Variants in ADAMTSL1 observed in about 807,000 individuals in gnomAD.
The protein encoded by ADAMTSL1 is ADAMTS-like protein 1.
ADAMTSL1 carries 126 observed loss-of-function variants against 201.8 expected under a neutral mutation model. That is an observed-to-expected ratio of 0.62 (90% CI 0.54 to 0.72). The LOEUF (loss-of-function observed/expected upper bound fraction) is 0.72, where lower values mean the gene tolerates loss of function less well. ADAMTSL1 is among the 30% of genes least tolerant of loss of function. The pLI is 0.00. For missense variants in ADAMTSL1, 2,679 were observed against 2,277.8 expected (o/e 1.18, Z -3.59); for synonymous variants, 1,121 against 903.4 (o/e 1.24, Z -4.32).
intron 1 of ADAMTSL1, among the ~76,000 whole-genome samples, chr9:17,940,728 G>GAAAAAAAAAAAAAAAAAA (rs201856497): frequency 1.3e-5 from 1 of 79,452 alleles, no homozygotes; most frequent in Non-Finnish European, 2.4e-5. Flanking sequence ...AAAAAAAAAA[G>GAAAAAAAAAAAAAAAAAA]AAAAAAAAGA....
intron 2 of ADAMTSL1, among the ~76,000 whole-genome samples, chr9:18,442,122 T>C (rs566186692): frequency 6.8e-4 from 104 of 152,338 alleles, no homozygotes; most frequent in Non-Finnish European, 1.2e-3. Flanking sequence ...TCTCCATAGA[T>C]GAAATTCAAA....
chr9:17,954,150 A>G (rs1410834688), intron 1 of ADAMTSL1, among the ~76,000 whole-genome samples: 2 of 152,080 alleles, frequency 1.3e-5, no homozygotes, highest in Admixed American at 6.6e-5. Context: ...GCTAGCTTGG[A>G]CTTTTTTACA....
At chr9:18,628,674 A>G (rs1582017) in intron 5 of ADAMTSL1, among the ~76,000 whole-genome samples, 22,976 of 152,128 alleles carry the variant, frequency 0.15, 1,836 homozygotes, top group Admixed American at 0.21. Flanking sequence ...GTAGGAATTG[A>G]CATCTTTAGC....
intron 7 of ADAMTSL1, among the ~76,000 whole-genome samples, chr9:18,647,331 A>C (rs999355817): frequency 6.6e-6 from 1 of 150,466 alleles, no homozygotes; most frequent in Admixed American, 6.6e-5. Flanking sequence ...ATCCTTTCAA[A>C]AAACCAGCTC....
At chr9:18,330,650 T>C (rs1834995428) in intron 2 of ADAMTSL1, among the ~76,000 whole-genome samples, 1 of 152,194 alleles carries the variant, frequency 6.6e-6, no homozygotes, top group Admixed American at 6.5e-5. Flanking sequence ...TGGGATATTA[T>C]CCCAAATTCA....
At chr9:18,632,689 G>T (rs925161484) in intron 5 of ADAMTSL1, among the ~76,000 whole-genome samples, 9 of 152,042 alleles carry the variant, frequency 5.9e-5, no homozygotes, top group African/African-American at 2.2e-4. Context: ...AAATACTTGT[G>T]GAATAAAGTA....
chr9:18,187,140 C>T (rs1200579142), intron 2 of ADAMTSL1, among the ~76,000 whole-genome samples: 1 of 152,104 alleles, frequency 6.6e-6, no homozygotes, highest in Non-Finnish European at 1.5e-5. Flanking sequence ...AGTGATGCAG[C>T]CCCTCAGTCA....
chr9:18,642,718 A>G (rs529980906), intron 7 of ADAMTSL1, among the ~76,000 whole-genome samples: 7 of 152,124 alleles, frequency 4.6e-5, no homozygotes, highest in South Asian at 2.1e-4. Flanking sequence ...TTCATTTAAC[A>G]TAATGTTCTC....
At chr9:18,298,184 T>TG (rs1833549895) in intron 2 of ADAMTSL1, among the ~76,000 whole-genome samples, 1 of 152,154 alleles carries the variant, frequency 6.6e-6, no homozygotes, top group African/African-American at 2.4e-5. Context: ...GGCAAACTCC[T>TG]GAGAGACTCC....
intron 2 of ADAMTSL1, among the ~76,000 whole-genome samples, chr9:18,395,159 T>G (rs1817701960): frequency 6.6e-6 from 1 of 152,172 alleles, no homozygotes; most frequent in African/African-American, 2.4e-5. Context: ...GTTTGAGTAT[T>G]ATGTCGGATC....
At chr9:17,928,803 AG>A in intron 1 of ADAMTSL1, among the ~76,000 whole-genome samples, 1 of 152,302 alleles carries the variant, frequency 6.6e-6, no homozygotes, top group African/African-American at 2.4e-5. Flanking sequence ...ACTATGTGAA[AG>A]GAGGTCAAAT....
At chr9:18,735,277 A>T (rs1243679593) in intron 15 of ADAMTSL1, among the ~76,000 whole-genome samples, 4 of 152,122 alleles carry the variant, frequency 2.6e-5, no homozygotes, top group Non-Finnish European at 5.9e-5. Flanking sequence ...TCAGCAGTAA[A>T]CTCAAGAACT....
intron 23 of ADAMTSL1, among the ~76,000 whole-genome samples, chr9:18,865,237 G>A (rs1185829837): frequency 6.6e-6 from 1 of 151,208 alleles, no homozygotes; most frequent in Non-Finnish European, 1.5e-5. Context: ...TCCCCTTCCT[G>A]TGTCCAAGTG....
chr9:18,341,435 G>C (rs1429318348), intron 2 of ADAMTSL1, among the ~76,000 whole-genome samples: 1 of 151,986 alleles, frequency 6.6e-6, no homozygotes, highest in African/African-American at 2.4e-5. Flanking sequence ...TTAAGTTCCA[G>C]TTTCCAAATG....
chr9:18,281,880 A>T (rs1020262554), intron 2 of ADAMTSL1, among the ~76,000 whole-genome samples: 1 of 152,008 alleles, frequency 6.6e-6, no homozygotes, highest in South Asian at 2.1e-4. Flanking sequence ...CCATTCTACA[A>T]ATTTTGATTT....
At chr9:18,665,915 A>C (rs146881603) in intron 9 of ADAMTSL1, among the ~76,000 whole-genome samples, 1 of 152,264 alleles carries the variant, frequency 6.6e-6, no homozygotes, top group Non-Finnish European at 1.5e-5. Context: ...CTCACTAATA[A>C]TCCCCAATGC....
intron 2 of ADAMTSL1, among the ~76,000 whole-genome samples, chr9:18,323,899 T>C (rs1834724716): frequency 6.6e-6 from 1 of 152,176 alleles, no homozygotes; most frequent in Non-Finnish European, 1.5e-5. Context: ...AGATGCCAAC[T>C]CTCCTCAAAT....
intron 23 of ADAMTSL1, among the ~76,000 whole-genome samples, chr9:18,883,257 G>GTGACT (rs1828649042): frequency 6.6e-6 from 1 of 152,164 alleles, no homozygotes; most frequent in Non-Finnish European, 1.5e-5. Context: ...TTTGGCTGGA[G>GTGACT]TGACTTGACT....
chr9:18,292,128 C>G (rs1833297574), intron 2 of ADAMTSL1, among the ~76,000 whole-genome samples: 1 of 152,110 alleles, frequency 6.6e-6, no homozygotes, highest in Admixed American at 6.5e-5. Flanking sequence ...AAGTCATGAG[C>G]TGGTCATTTA....
Sources: allele counts gnomAD v4.1 joint callset (sites outside exome capture counted in the v4.1 genomes callset), GRCh38; gene constraint gnomAD v4.1.1; transcripts MANE v1.5; gene names NCBI Gene and HGNC (gene_info 2026-07-23, HGNC 2026-07-21).